The following ADGRB3 variants were observed in gnomAD, a reference collection of about 807,000 sequenced individuals.
ADGRB3 encodes the protein brain-specific angiogenesis inhibitor 3.
In ADGRB3, 37 loss-of-function variants were observed where a neutral mutation model predicts 193.4. That is an observed-to-expected ratio of 0.19 (90% CI 0.15 to 0.25). The LOEUF (loss-of-function observed/expected upper bound fraction) is 0.25, where lower values mean the gene tolerates loss of function less well. ADGRB3 is among the 10% of genes least tolerant of loss of function. The probability of loss-of-function intolerance (pLI) is 1.00; values close to 1 mark genes in which losing one functional copy is unlikely to be tolerated. For missense variants in ADGRB3, 1,637 were observed against 1,852.9 expected, an observed-to-expected ratio of 0.88 and a Z score of 2.14; for synonymous variants, 690 against 644.2, an observed-to-expected ratio of 1.07 and a Z score of -1.08.
chr6:68,776,907 T>A (rs1766758434), intron 3 of ADGRB3, among the ~76,000 whole-genome samples: 1 of 152,292 alleles, frequency 6.6e-6, no homozygotes, highest in Non-Finnish European at 1.5e-5. Flanking sequence ...CTTAGTAGAA[T>A]AATTTAAAAG....
chr6:69,159,870 A>G (rs1396011650), intron 17 of ADGRB3, among the ~76,000 whole-genome samples: 1 of 152,150 alleles, frequency 6.6e-6, no homozygotes, highest in African/African-American at 2.4e-5. Flanking sequence ...TCCAGAACCT[A>G]TAATGCACAC....
intron 3 of ADGRB3, among the ~76,000 whole-genome samples, chr6:68,691,770 A>G (rs1229678785): frequency 6.6e-6 from 1 of 151,814 alleles, no homozygotes; most frequent in Non-Finnish European, 1.5e-5. Flanking sequence ...AATTATAAGC[A>G]TTTGTTAAAG....
intron 17 of ADGRB3, among the ~76,000 whole-genome samples, chr6:69,122,172 G>GGT (rs975809012): frequency 2.6e-5 from 4 of 151,940 alleles, no homozygotes; most frequent in African/African-American, 9.7e-5. Context: ...GTGAGCATTG[G>GGT]GTGGGCGAGA....
intron 3 of ADGRB3, among the ~76,000 whole-genome samples, chr6:68,899,183 A>C (rs1310125542): frequency 2.0e-5 from 3 of 152,186 alleles, no homozygotes; most frequent in Non-Finnish European, 4.4e-5. Context: ...CTAATCTAAA[A>C]TTTCAAAAAA....
chr6:68,710,348 T>C (rs1407167799), intron 3 of ADGRB3, among the ~76,000 whole-genome samples: 1 of 152,020 alleles, frequency 6.6e-6, no homozygotes, highest in South Asian at 2.1e-4. Flanking sequence ...GGCTCCCACC[T>C]CTTCTGCTGC....
chr6:69,153,273 C>T (rs113778601), intron 17 of ADGRB3, among the ~76,000 whole-genome samples: 12 of 152,240 alleles, frequency 7.9e-5, no homozygotes, highest in South Asian at 4.2e-4. Flanking sequence ...ATGAAGCCCC[C>T]GCACCACCCT....
At chr6:69,317,625 T>C (rs959727085) in intron 20 of ADGRB3, among the ~76,000 whole-genome samples, 2 of 151,384 alleles carry the variant, frequency 1.3e-5, no homozygotes, top group African/African-American at 2.4e-5. Context: ...ACAAACAACA[T>C]TTCTATTACC....
chr6:69,161,077 A>G (rs1159319722), intron 17 of ADGRB3, among the ~76,000 whole-genome samples: 2 of 152,140 alleles, frequency 1.3e-5, no homozygotes, highest in East Asian at 3.8e-4. Context: ...TAAAGTGGGA[A>G]TAGTAATACT....
At chr6:69,054,083 CATT>C (rs1235540680) in intron 15 of ADGRB3, among the ~76,000 whole-genome samples, 1 of 151,908 alleles carries the variant, frequency 6.6e-6, no homozygotes, top group Non-Finnish European at 1.5e-5. Context: ...ACATTAAAGA[CATT>C]ATAAAAGAAC....
At chr6:69,296,052 G>C (rs1460314344) in intron 20 of ADGRB3, among the ~76,000 whole-genome samples, 1 of 152,100 alleles carries the variant, frequency 6.6e-6, no homozygotes, top group Non-Finnish European at 1.5e-5. Flanking sequence ...CTTCTAGCTT[G>C]TCTGTGGAGT....
At position 68,857,058 on chromosome 6, in the gene ADGRB3, G is replaced by A. The variant is rs563518958; in HGVS notation, c.758-73501G>A. 6.3e-4 allele frequency among the ~76,000 whole-genome samples: 96 copies of A among 152,340 alleles called. 1 individual carries two copies. The highest frequency in any genetic ancestry group is 2.1e-3 in the African/African-American group (87 of 41,590). ...GTGTTGAGCCTGCAAGGGCACAGAA[G>A]TCAACTATTGAGGTTGGGGAACCTC... On this transcript the variant is annotated intron_variant, in intron 3 of 31. Transcript: ENST00000370598.
chr6:68,669,604 T>TTGTGTG lies in ADGRB3; in HGVS notation c.757+30214_757+30219dup, dbSNP rs59849376. On this transcript the variant is annotated intron_variant, in intron 3 of 31. Coordinates refer to ENST00000370598, the MANE Select transcript of ADGRB3 (RefSeq NM_001704.3). ...TTTTTTATGGATGAATAATACTCCA[T>TTGTGTG]TGTGTGTGTGTGTGTGTGTGTGTGT... Among the ~76,000 whole-genome samples the TTGTGTG allele has an allele frequency of 4.5e-3, 611 of 134,736 alleles. 4 individuals are homozygous for TTGTGTG. Among genetic ancestry groups the TTGTGTG allele is most frequent in the Non-Finnish European group, 5.7e-3 (356 of 62,706 alleles). The allele number at this position is 134,736 out of a possible 152,430, so 88.4% of individuals were successfully genotyped here. A position where few individuals can be genotyped will look rare whatever the true frequency, so the allele number is the denominator to read the frequency against.
At chr6:68,779,910 A>T (rs1189669042) in intron 3 of ADGRB3, among the ~76,000 whole-genome samples, 2 of 152,116 alleles carry the variant, frequency 1.3e-5, no homozygotes, top group East Asian at 3.9e-4. Context: ...ACCACAGAAG[A>T]AACACTTTTT....
intron 3 of ADGRB3, among the ~76,000 whole-genome samples, chr6:68,903,540 T>C (rs1766456946): frequency 6.6e-6 from 1 of 152,152 alleles, no homozygotes; most frequent in South Asian, 2.1e-4. Context: ...AAAATTTTGC[T>C]TATACTTGCA....
At chr6:69,310,232 TA>T (rs1223937753) in intron 20 of ADGRB3, among the ~76,000 whole-genome samples, 1 of 151,700 alleles carries the variant, frequency 6.6e-6, no homozygotes, top group Non-Finnish European at 1.5e-5. Context: ...AAAATTTAAA[TA>T]TGATAAGACG....
At chr6:69,016,470 C>T (rs9446085) in intron 12 of ADGRB3, among the ~76,000 whole-genome samples, 64,419 of 151,672 alleles carry the variant, frequency 0.42, 14,372 homozygotes, top group African/African-American at 0.47. Flanking sequence ...CCCTTTGTCA[C>T]GCATAATTCA....
chr6:69,339,800 G>C (rs889700029), intron 26 of ADGRB3, among the ~76,000 whole-genome samples: 3 of 152,114 alleles, frequency 2.0e-5, no homozygotes, highest in African/African-American at 7.2e-5. Context: ...GTATAAATAA[G>C]TCTTGTTAGA....
intron 3 of ADGRB3, among the ~76,000 whole-genome samples, chr6:68,880,783 T>C (rs1445126226): frequency 2.0e-5 from 3 of 151,790 alleles, no homozygotes; most frequent in Admixed American, 1.3e-4. Flanking sequence ...TTAATATATA[T>C]AGTTCATTCA....
intron 3 of ADGRB3, among the ~76,000 whole-genome samples, chr6:68,839,206 A>T (rs483076): frequency 1.3e-5 from 2 of 152,136 alleles, no homozygotes; most frequent in South Asian, 2.1e-4. Flanking sequence ...AGAAATGCAG[A>T]TATCTTTTCT....
Sources: gnomAD v4.1 joint callset for allele counts (sites outside exome capture counted in the v4.1 genomes callset) on GRCh38, gnomAD v4.1.1 for gene constraint, MANE v1.5 for transcripts, NCBI Gene and HGNC (gene_info 2026-07-23, HGNC 2026-07-21) for gene names.